The following NSD2 variants were observed in gnomAD, a reference collection of about 807,000 sequenced individuals.
NSD2 encodes nuclear receptor binding SET domain protein 2, also known as histone-lysine N-methyltransferase NSD2.
NSD2 carries 12 observed loss-of-function variants against 139.0 expected under a neutral mutation model. The observed-to-expected ratio is 0.09, with a 90% confidence interval of 0.06 to 0.14. The LOEUF (loss-of-function observed/expected upper bound fraction) is 0.14. Among genes scored for constraint, NSD2 ranks in the 10% least tolerant of loss-of-function variants. The pLI, the probability that NSD2 is intolerant of heterozygous loss-of-function variation, is 1.00. For missense variants in NSD2, 1,155 were observed against 1,745.0 expected (o/e 0.66, Z 6.02); for synonymous variants, 669 against 648.7 (o/e 1.03, Z -0.48).
chr4:1,946,626 C>T (rs760444083), intron 9 of NSD2: 66 of 1,031,354 alleles, frequency 6.4e-5, no homozygotes, highest in Non-Finnish European at 7.5e-5. Context: ...TTTTTGTCAA[C>T]GAAATTGGTT....
At position 1,981,159 on chromosome 4, in the gene NSD2, T is replaced by C. The variant is rs1185005572; in HGVS notation, c.*2250T>C. ...TAATACTTCCAAATTTTATGATTTT[T>C]CTGAAGGAAATAATGCAAACATTTT... On this transcript the variant is annotated 3_prime_UTR_variant, in exon 22 of 22. Coordinates refer to ENST00000508803, the MANE Select transcript of NSD2 (RefSeq NM_001042424.3). The C allele has an allele frequency of 4.3e-6, 1 of 233,238 alleles. No homozygotes were observed. Among genetic ancestry groups the C allele is most frequent in the Admixed American group, 5.6e-5 (1 of 17,790 alleles). 14.4% of individuals were successfully genotyped at this position (233,238 alleles called of 1,614,324 possible).
rs1723205564 is a variant in NSD2, at chr4:1,942,551, A to C, written c.1881+2773A>C. On this transcript the variant is annotated intron_variant, in intron 9 of 21. Coordinates refer to ENST00000508803, the MANE Select transcript of NSD2 (RefSeq NM_001042424.3). This position sits in a 1 kb window ranked among gnomAD's most constrained non-coding sequence, Gnocchi z 4.0. Reference sequence around the variant, plus strand: ...CATACAATGAAGAAAACAGATAACAAATTTTAAGACCAAGGTAAGATAACT... The same window carrying C: ...CATACAATGAAGAAAACAGATAACACATTTTAAGACCAAGGTAAGATAACT... 5.7e-6 allele frequency: 8 copies of C among 1,394,876 alleles called. No individual in the cohort carries two copies. The highest frequency in any genetic ancestry group is 7.5e-6 in the Non-Finnish European group (8 of 1,071,526). The allele number at this position is 1,394,876 out of a possible 1,614,324, so 86.4% of individuals were successfully genotyped here.
At chr4:1,967,048 G>T (rs1725961396) in intron 18 of NSD2, among the ~76,000 whole-genome samples, 1 of 152,050 alleles carries the variant, frequency 6.6e-6, no homozygotes, top group Non-Finnish European at 1.5e-5. Flanking sequence ...AGGAAAAAAA[G>T]AGAAAAGACT....
At chr4:1,941,776 G>GTGTTCATTTT in intron 9 of NSD2, 1 of 1,048,798 alleles carries the variant, frequency 9.5e-7, no homozygotes, top group Non-Finnish European at 1.2e-6. Context: ...CATTTTTATA[G>GTGTTCATTTT]AATTATGCTG....
chr4:1,876,859 C>T (rs114163403), intron 1 of NSD2, among the ~76,000 whole-genome samples: 1,816 of 152,056 alleles, frequency 0.012, 40 homozygotes, highest in African/African-American at 0.042. Context: ...TTTGCTGGTG[C>T]GGTGGGTGGC....
At position 1,956,800 on chromosome 4, in the gene NSD2, A is replaced by G. The variant is rs1292248177; in HGVS notation, c.2881+612A>G. Among the ~76,000 whole-genome samples, 1 of 152,210 alleles carries G rather than the reference A, an allele frequency of 6.6e-6. No individual in the cohort carries two copies. The highest frequency in any genetic ancestry group is 1.9e-4 in the East Asian group (1 of 5,200). ...GTGTGTGCATGTGGCTCGTTCAGGG[A>G]GAAGCACACGCTGTGTTGCAGCCGG... On this transcript the variant is annotated intron_variant, in intron 15 of 21. Coordinates refer to ENST00000508803, the MANE Select transcript of NSD2 (RefSeq NM_001042424.3). The surrounding 1 kb of genome is among the most constrained non-coding windows in gnomAD (Gnocchi z 5.3).
Position 1,976,359 on chromosome 4 carries a change from G to GT in NSD2, c.3622-115dup. 8.9e-7 allele frequency: 1 copy of GT among 1,127,236 alleles called. No homozygotes were observed. Among genetic ancestry groups the GT allele is most frequent in the Non-Finnish European group, 1.3e-6 (1 of 780,400 alleles). 69.8% of individuals were successfully genotyped at this position (1,127,236 alleles called of 1,614,324 possible). On this transcript the variant is annotated intron_variant, in intron 20 of 21. Coordinates refer to ENST00000508803, the MANE Select transcript of NSD2 (RefSeq NM_001042424.3). The surrounding 1 kb of genome is among the most constrained non-coding windows in gnomAD (Gnocchi z 5.3). ...AGGACACTCCTCTCCTCTCCTCTTA[G>GT]TGTTGGGCACCTGCAGAGATCTCTG... is the stretch of plus-strand genomic sequence containing the variant.
At chr4:1,938,593 T>TGGGC in intron 8 of NSD2, 61 bp downstream of exon 8, 2 of 515,360 alleles carry the variant, frequency 3.9e-6, no homozygotes, top group Non-Finnish European at 7.4e-6. Context: ...GCTGGGTGGG[T>TGGGC]GGGCTGAGAG....
intron 5 of NSD2, among the ~76,000 whole-genome samples, chr4:1,925,524 G>A (rs1263000798): frequency 9.0e-5 from 13 of 143,934 alleles, no homozygotes; most frequent in Non-Finnish European, 1.4e-4. Flanking sequence ...TCAGCCTCCC[G>A]AGTTGCTGAG....
chr4:1,932,030 G>T (rs1022219632), intron 6 of NSD2, among the ~76,000 whole-genome samples: 1 of 152,186 alleles, frequency 6.6e-6, no homozygotes, highest in Non-Finnish European at 1.5e-5. Context: ...TGTGTGTCAG[G>T]TGTATGCAGG....
chr4:1,925,959 C>T lies in NSD2; in HGVS notation c.1411-4667C>T, dbSNP rs577124572. 7.3e-5 allele frequency among the ~76,000 whole-genome samples: 11 copies of T among 151,696 alleles called. No homozygotes were observed. The South Asian group carries it at 1.7e-3, about 23-fold the overall frequency. ...CTGGGACTACAGCCATGTGCCACCA[C>T]GCCTGGCTAACTTTTCTATTTTTTA... On this transcript the variant is annotated intron_variant, in intron 5 of 21. Coordinates refer to ENST00000508803, the MANE Select transcript of NSD2 (RefSeq NM_001042424.3).
At chr4:1,920,408 A>G (rs1024807268) in intron 5 of NSD2, among the ~76,000 whole-genome samples, 2 of 152,100 alleles carry the variant, frequency 1.3e-5, no homozygotes, top group Admixed American at 1.3e-4. Context: ...ATGCCGCTGC[A>G]CTCCAGCCTG....
intron 17 of NSD2, among the ~76,000 whole-genome samples, 178 bp downstream of exon 17, chr4:1,959,918 T>C (rs1337802746): frequency 6.6e-6 from 1 of 152,180 alleles, no homozygotes; most frequent in Non-Finnish European, 1.5e-5. Flanking sequence ...TGGAGGGCAG[T>C]GGCATGATTG....
intron 9 of NSD2, chr4:1,944,725 T>C (rs1263501795): frequency 9.4e-6 from 10 of 1,064,638 alleles, no homozygotes; most frequent in South Asian, 4.5e-5. Context: ...CTGAGAGCCA[T>C]TGGGCCATCA....
At chr4:1,879,519 T>G (rs1030194325) in intron 1 of NSD2, among the ~76,000 whole-genome samples, 8 of 152,184 alleles carry the variant, frequency 5.3e-5, no homozygotes, top group African/African-American at 9.7e-5. Flanking sequence ...GCGCCTGGCC[T>G]ACACACATTT....
chr4:1,902,351 A>T (rs1398093213), intron 2 of NSD2, among the ~76,000 whole-genome samples: 2 of 152,022 alleles, frequency 1.3e-5, no homozygotes, highest in Non-Finnish European at 2.9e-5. Context: ...CACCCTCCTG[A>T]GTAGTTGGAC....
chr4:1,918,824 T>A, intron 5 of NSD2: 1 of 676,668 alleles, frequency 1.5e-6, no homozygotes, highest in Non-Finnish European at 2.4e-6. Context: ...TCTGGGGTCT[T>A]AAAATATCCT....
intron 9 of NSD2, chr4:1,947,162 C>A: frequency 9.4e-7 from 1 of 1,064,744 alleles, no homozygotes; most frequent in Non-Finnish European, 1.1e-6. Context: ...CCAGACCAGG[C>A]TCCTCCCCAG....
chr4:1,899,053 A>G (rs2108740114), intron 1 of NSD2, among the ~76,000 whole-genome samples: 1 of 152,328 alleles, frequency 6.6e-6, no homozygotes, highest in South Asian at 2.1e-4. Flanking sequence ...GAGCTGGAAG[A>G]GGAACTGACT....
Sources: allele counts gnomAD v4.1 joint callset (sites outside exome capture counted in the v4.1 genomes callset), GRCh38; gene constraint gnomAD v4.1.1; non-coding constraint Gnocchi (gnomAD v3.1); transcripts MANE v1.5; gene names NCBI Gene and HGNC (gene_info 2026-07-23, HGNC 2026-07-21).